STARD13: variants seen among roughly 807,000 people sequenced by gnomAD.
STARD13 encodes stAR-related lipid transfer protein 13.
In STARD13, 62 loss-of-function variants were observed where a neutral mutation model predicts 106.4. The ratio of observed to expected loss-of-function variants is 0.58; its 90% confidence interval spans 0.48 to 0.72. STARD13 has a LOEUF of 0.72. Among genes scored for constraint, STARD13 ranks in the 30% least tolerant of loss-of-function variants. The probability of loss-of-function intolerance (pLI) is 0.00; values close to 1 mark genes in which losing one functional copy is unlikely to be tolerated. For synonymous variants in STARD13, 565 were observed against 553.0 expected, an observed-to-expected ratio of 1.02 and a Z score of -0.31; for missense variants, 1,387 against 1,424.0, an observed-to-expected ratio of 0.97 and a Z score of 0.42.
At chr13:33,531,961 C>G in the STARD13 span, among the ~76,000 whole-genome samples, 3,515 of 152,258 alleles carry the variant, frequency 0.023, 71 homozygotes, top group Non-Finnish European at 0.035. Flanking sequence ...ACTGAAAACA[C>G]TGTAAAAGGT....
chr13:33,528,481 C>A, the STARD13 span, among the ~76,000 whole-genome samples: 1 of 151,040 alleles, frequency 6.6e-6, no homozygotes, highest in Non-Finnish European at 1.5e-5. Context: ...GCTATGTTAC[C>A]CAGGCTGATC....
intron 1 of STARD13, among the ~76,000 whole-genome samples, chr13:33,268,946 T>C (rs1036037402): frequency 1.3e-5 from 2 of 152,214 alleles, no homozygotes; most frequent in African/African-American, 2.4e-5. Flanking sequence ...GAAGTTAGTC[T>C]CACCTTCTTG....
the STARD13 span, among the ~76,000 whole-genome samples, chr13:33,603,987 AAAGAAATAAGACACTCTT>A: frequency 1.3e-5 from 2 of 152,188 alleles, no homozygotes; most frequent in East Asian, 3.8e-4. Flanking sequence ...AATAAAACCC[AAAGAAATAAGACACTCTT>A]ACAATTAAGT....
intron 7 of STARD13, among the ~76,000 whole-genome samples, chr13:33,122,620 CAG>C (rs1432409936): frequency 6.6e-6 from 1 of 152,240 alleles, no homozygotes; most frequent in East Asian, 1.9e-4. Context: ...ATCAGCAATG[CAG>C]AGTTCATTTT....
At chr13:33,428,912 A>G in the STARD13 span, among the ~76,000 whole-genome samples, 1 of 152,240 alleles carries the variant, frequency 6.6e-6, no homozygotes. Context: ...GCAAGCAGGC[A>G]TATGAAAAGG....
the STARD13 span, among the ~76,000 whole-genome samples, chr13:33,499,731 C>T: frequency 9.7e-5 from 13 of 134,018 alleles, no homozygotes; most frequent in African/African-American, 2.5e-4. Context: ...CTCCTTCTCC[C>T]TCTCCCTCTC....
At chr13:33,437,216 T>C in the STARD13 span, among the ~76,000 whole-genome samples, 1 of 152,086 alleles carries the variant, frequency 6.6e-6, no homozygotes, top group African/African-American at 2.4e-5. Flanking sequence ...ACTGTGAAAA[T>C]CCCTATCCTG....
chr13:33,496,577 T>C, the STARD13 span, among the ~76,000 whole-genome samples: 1 of 152,080 alleles, frequency 6.6e-6, no homozygotes, highest in African/African-American at 2.4e-5. Flanking sequence ...GACATTTGTG[T>C]AATATCAATT....
intron 6 of STARD13, 113 bp from the exon 7 acceptor site, chr13:33,126,353 G>A (rs1419272985): frequency 1.2e-5 from 12 of 991,974 alleles, no homozygotes; most frequent in Admixed American, 3.8e-5. Flanking sequence ...CAACAGATGC[G>A]GGGTGAATTC....
intron 1 of STARD13, among the ~76,000 whole-genome samples, chr13:33,180,718 G>A (rs562868683): frequency 1.1e-3 from 173 of 152,182 alleles, no homozygotes; most frequent in Non-Finnish European, 2.0e-3. Context: ...AGGAGGTGAC[G>A]GGGAAAGTAA....
the STARD13 span, among the ~76,000 whole-genome samples, chr13:33,614,712 G>A: frequency 2.0e-5 from 3 of 152,228 alleles, no homozygotes; most frequent in African/African-American, 7.2e-5. Context: ...TTTTCAAGAA[G>A]CAGAGGCTCC....
At chr13:33,530,069 G>T in the STARD13 span, among the ~76,000 whole-genome samples, 4 of 151,226 alleles carry the variant, frequency 2.6e-5, no homozygotes, top group Admixed American at 2.6e-4. Flanking sequence ...ATAATTGCTG[G>T]TATCCCAACA....
chr13:33,309,300 G>A (rs971618598), intron 1 of STARD13, among the ~76,000 whole-genome samples: 9 of 152,126 alleles, frequency 5.9e-5, no homozygotes, highest in African/African-American at 1.4e-4. Flanking sequence ...TGAAATTAGC[G>A]AGTTGAGGAC....
the STARD13 span, among the ~76,000 whole-genome samples, chr13:33,465,087 C>T: frequency 6.6e-6 from 1 of 152,104 alleles, no homozygotes; most frequent in Admixed American, 6.6e-5. Context: ...AAATCTCCCA[C>T]TTTCTTCTTC....
At chr13:33,453,280 C>T in the STARD13 span, among the ~76,000 whole-genome samples, 1 of 152,190 alleles carries the variant, frequency 6.6e-6, no homozygotes, top group African/African-American at 2.4e-5. Flanking sequence ...CCTCATGCCT[C>T]TTGGTCCCTG....
chr13:33,450,212 C>G, the STARD13 span, among the ~76,000 whole-genome samples: 1 of 152,072 alleles, frequency 6.6e-6, no homozygotes, highest in East Asian at 1.9e-4. Context: ...ATGATGTTGG[C>G]CGTGAGTTTG....
chr13:33,186,202 G>T (rs753871641), intron 1 of STARD13: 9 of 657,504 alleles, frequency 1.4e-5, no homozygotes, highest in Non-Finnish European at 2.2e-5. Context: ...GAACACCAAA[G>T]ATTTGCATCA....
chr13:33,226,234 T>C (rs929870681), intron 1 of STARD13, among the ~76,000 whole-genome samples: 1 of 152,220 alleles, frequency 6.6e-6, no homozygotes, highest in Non-Finnish European at 1.5e-5. Flanking sequence ...AGCAAACTAA[T>C]GCAAGCTCCA....
At chr13:33,448,235 A>G in the STARD13 span, among the ~76,000 whole-genome samples, 1 of 152,088 alleles carries the variant, frequency 6.6e-6, no homozygotes, top group African/African-American at 2.4e-5. Flanking sequence ...GAAATATGAT[A>G]CATTATTGTT....
Sources: allele counts gnomAD v4.1 joint callset (sites outside exome capture counted in the v4.1 genomes callset), GRCh38; gene constraint gnomAD v4.1.1; transcripts MANE v1.5; gene names NCBI Gene and HGNC (gene_info 2026-07-23, HGNC 2026-07-21).